Variants in PDE1A observed in about 807,000 individuals in gnomAD.
The protein encoded by PDE1A is phosphodiesterase 1A.
PDE1A carries 35 observed loss-of-function variants against 61.7 expected under a neutral mutation model. The ratio of observed to expected loss-of-function variants is 0.57; its 90% CI spans 0.43 to 0.75. PDE1A has a LOEUF of 0.75. PDE1A is among the 30% of genes least tolerant of loss of function. The pLI, the probability that PDE1A is intolerant of heterozygous loss-of-function variation, is 0.00. For synonymous variants in PDE1A, 232 were observed against 213.2 expected (o/e 1.09, Z -0.77); for missense variants, 597 against 630.6 (o/e 0.95, Z 0.57).
rs186960551 is a variant in PDE1A at position 182,157,392 on chromosome 2, T to G, written c.1517-10240A>C. 3.7e-4 allele frequency among the ~76,000 whole-genome samples: 57 copies of G among 152,090 alleles called. No homozygotes were observed. In the East Asian group the frequency reaches 7.0e-3, roughly 19 times the overall value. ...TTGTAGATCTTAAAACTTCCCAAAT[T>G]GTGCACACTTTGCATATTCAAACAT... On this transcript the variant is annotated intron_variant, in intron 13 of 13. Coordinates refer to the PDE1A transcript ENST00000409365.
intron 1 of PDE1A, among the ~76,000 whole-genome samples, chr2:182,378,855 A>T (rs775107130): frequency 2.0e-5 from 3 of 152,182 alleles, no homozygotes; most frequent in Non-Finnish European, 4.4e-5. Flanking sequence ...TTTACTACAA[A>T]ATCTTCGTAT....
chr2:182,655,731 C>G, the PDE1A span, among the ~76,000 whole-genome samples: 7 of 152,294 alleles, frequency 4.6e-5, no homozygotes, highest in South Asian at 1.5e-3. Flanking sequence ...AGGTGGGGGT[C>G]ACCTCTGACA....
intron 8 of PDE1A, among the ~76,000 whole-genome samples, chr2:182,203,127 A>G (rs1299396032): frequency 6.6e-6 from 1 of 152,140 alleles, no homozygotes; most frequent in East Asian, 1.9e-4. Flanking sequence ...CATCCTGGCT[A>G]ACACGGTGAA....
intron 1 of PDE1A, among the ~76,000 whole-genome samples, chr2:182,282,658 T>C (rs1483325452): frequency 1.3e-5 from 2 of 151,956 alleles, no homozygotes; most frequent in Non-Finnish European, 2.9e-5. Flanking sequence ...TATATATAAT[T>C]CCAAAACTTG....
At chr2:182,627,223 A>T in the PDE1A span, among the ~76,000 whole-genome samples, 21 of 25,122 alleles carry the variant, frequency 8.4e-4, 1 homozygote, top group East Asian at 1.4e-3. Flanking sequence ...AATATAAATA[A>T]TATATTATTT....
At chr2:182,499,915 C>T (rs1484955990) in intron 2 of PDE1A, among the ~76,000 whole-genome samples, 1 of 152,154 alleles carries the variant, frequency 6.6e-6, no homozygotes, top group African/African-American at 2.4e-5. Flanking sequence ...AAGCAAAGGG[C>T]AGTCCCAGGG....
the PDE1A span, among the ~76,000 whole-genome samples, chr2:182,535,000 A>G: frequency 6.6e-6 from 1 of 152,054 alleles, no homozygotes; most frequent in Non-Finnish European, 1.5e-5. Flanking sequence ...CCAAAGATTA[A>G]ATGATGGTCC....
chr2:182,336,856 G>C (rs1697859498), intron 1 of PDE1A, among the ~76,000 whole-genome samples: 1 of 151,402 alleles, frequency 6.6e-6, no homozygotes, highest in Admixed American at 6.6e-5. Context: ...GTTGGGGGTA[G>C]GGTGTGAGGG....
intron 6 of PDE1A, among the ~76,000 whole-genome samples, chr2:182,227,436 T>C (rs1177193071): frequency 6.6e-6 from 1 of 152,056 alleles, no homozygotes; most frequent in Non-Finnish European, 1.5e-5. Context: ...TAAAAACACA[T>C]AATTAACAAT....
intron 1 of PDE1A, among the ~76,000 whole-genome samples, chr2:182,330,061 G>A (rs1413998439): frequency 1.3e-5 from 2 of 151,846 alleles, no homozygotes; most frequent in African/African-American, 2.4e-5. Flanking sequence ...GTTATTTCTC[G>A]GTTGGGCATC....
At chr2:182,171,898 C>A (rs1438879463) in intron 13 of PDE1A, among the ~76,000 whole-genome samples, 1 of 151,840 alleles carries the variant, frequency 6.6e-6, no homozygotes, top group East Asian at 1.9e-4. Flanking sequence ...CCATTATTAC[C>A]TCTACTTCCC....
chr2:182,163,871 G>C (rs1349561619), downstream of PDE1A, among the ~76,000 whole-genome samples: 1 of 152,166 alleles, frequency 6.6e-6, no homozygotes, highest in African/African-American at 2.4e-5. Flanking sequence ...AATGGTCCTT[G>C]CTGTATCAGT....
At chr2:182,338,804 G>C (rs192529959) in intron 1 of PDE1A, among the ~76,000 whole-genome samples, 4 of 152,330 alleles carry the variant, frequency 2.6e-5, no homozygotes, top group Admixed American at 2.6e-4. Context: ...TTACAGGTGT[G>C]ACCCGCTGTG....
At chr2:182,241,001 C>T (rs1393663394) in intron 2 of PDE1A, among the ~76,000 whole-genome samples, 1 of 152,144 alleles carries the variant, frequency 6.6e-6, no homozygotes, top group East Asian at 1.9e-4. Context: ...CTGAGGAAAT[C>T]AACCCAGTGA....
intron 1 of PDE1A, among the ~76,000 whole-genome samples, chr2:182,267,429 GCACACA>G (rs67567300): frequency 0.27 from 40,348 of 146,806 alleles, 5,575 homozygotes; most frequent in Middle Eastern, 0.36. Context: ...ATGCACACAT[GCACACA>G]CACACACACA....
intron 11 of PDE1A, among the ~76,000 whole-genome samples, chr2:182,188,177 G>A (rs557340762): frequency 1.3e-5 from 2 of 152,150 alleles, no homozygotes; most frequent in Non-Finnish European, 2.9e-5. Context: ...CAGGTCCTTA[G>A]CCTGCCACGT....
At chr2:182,342,039 G>C (rs1173029824) in intron 1 of PDE1A, among the ~76,000 whole-genome samples, 1 of 152,050 alleles carries the variant, frequency 6.6e-6, no homozygotes, top group Non-Finnish European at 1.5e-5. Context: ...AAAGCACTGG[G>C]ATTAACAGGC....
At chr2:182,496,848 C>T (rs1020990221) in intron 2 of PDE1A, among the ~76,000 whole-genome samples, 7 of 152,204 alleles carry the variant, frequency 4.6e-5, no homozygotes, top group African/African-American at 1.7e-4. Context: ...GTGGCCCTGA[C>T]TTCCGGCTCC....
chr2:182,257,003 G>A (rs2568684), intron 2 of PDE1A, among the ~76,000 whole-genome samples: 1,952 of 152,122 alleles, frequency 0.013, 26 homozygotes, highest in African/African-American at 0.022. Context: ...TCTACTTCAG[G>A]GCATTAGGAA....
Sources: gnomAD v4.1 joint callset for allele counts (sites outside exome capture counted in the v4.1 genomes callset) on GRCh38, gnomAD v4.1.1 for gene constraint, MANE v1.5 for transcripts, NCBI Gene and HGNC (gene_info 2026-07-23, HGNC 2026-07-21) for gene names.